MRPL44: variants seen among roughly 807,000 people sequenced by gnomAD.
The protein encoded by MRPL44 is large ribosomal subunit protein mL44.
Under a neutral mutation model 25.9 loss-of-function variants are expected in MRPL44, and 21 were observed. That is an observed-to-expected ratio of 0.81 (90% CI 0.58 to 1.17). The LOEUF is 1.17. Ranked by LOEUF, MRPL44 falls within the 50% of genes most tolerant of loss-of-function variation. The pLI, the probability that MRPL44 is intolerant of heterozygous loss-of-function variation, is 0.00. For missense variants in MRPL44, 410 were observed against 398.9 expected (o/e 1.03, Z -0.24); for synonymous variants, 169 against 151.0 (o/e 1.12, Z -0.87).
At chr2:223,957,377 T>C (rs1689581474), upstream of MRPL44, 1 of 1,514,876 alleles carries the variant, frequency 6.6e-7, no homozygotes. Context: ...CCCAGCCTTC[T>C]CTTCGCGTTC....
chr2:223,962,511 A>G lies in MRPL44; in HGVS notation c.649-1245A>G, dbSNP rs151180223. The stretch of plus-strand genomic sequence containing the variant: ...ATGTTTGTTAATACAAGTTAATTGG[A>G]ATATGTAAATTGCTGTGGAAATTAA... On this transcript the variant is annotated intron_variant, in intron 2 of 3. Coordinates refer to ENST00000258383, the MANE Select transcript of MRPL44 (RefSeq NM_022915.5). Among the ~76,000 whole-genome samples the G allele has an allele frequency of 4.5e-3, 683 of 152,252 alleles. 2 individuals are homozygous for G. Among genetic ancestry groups the G allele is most frequent in the African/African-American group, 0.016 (658 of 41,532 alleles).
At chr2:223,957,737 C>A (rs1689594831) in intron 1 of MRPL44, 86 bp downstream of exon 1, 1 of 1,422,812 alleles carries the variant, frequency 7.0e-7, no homozygotes, top group Admixed American at 2.1e-5. Context: ...GCGGCTGATG[C>A]GCCCCTGGGT....
chr2:223,957,742 C>T (rs994444742), intron 1 of MRPL44, 91 bp downstream of exon 1: 2 of 1,408,002 alleles, frequency 1.4e-6, no homozygotes, highest in African/African-American at 1.4e-5. Flanking sequence ...TGATGCGCCC[C>T]TGGGTTAAGC....
Position 223,966,970 on chromosome 2 carries a change from G to C in MRPL44, c.935G>C (p.Arg312Pro). 6.2e-7 allele frequency: 1 copy of C among 1,614,016 alleles called. No homozygotes were observed. Among genetic ancestry groups the C allele is most frequent in the Non-Finnish European group, 8.5e-7 (1 of 1,179,954 alleles). ...CTTTATGGATTCACAGAAAATAGACGGCCGTGGAACTATTCCAAGCCCAAA... is the reference window on the plus strand; with the variant it reads ...CTTTATGGATTCACAGAAAATAGACCGCCGTGGAACTATTCCAAGCCCAAA... ...RKLYGFTENRRPWNYSKPKET... is the reference protein window; with the variant it reads ...RKLYGFTENRPPWNYSKPKET... Residue 312 changes from arginine to proline, a missense_variant, in exon 4 of 4, where the codon CGG (arginine) becomes CCG (proline). Physicochemically the swap from Arg to Pro is moderately radical, Grantham distance 103. Transcript: ENST00000258383.
At chr2:223,966,797 A>T in intron 3 of MRPL44, 66 bp from the exon 4 acceptor site, 1 of 1,426,526 alleles carries the variant, frequency 7.0e-7, no homozygotes, top group Middle Eastern at 1.8e-4. Flanking sequence ...ATTGCTTTAT[A>T]ACTGCTTTGT....
At chr2:223,957,432 C>A, upstream of MRPL44, 2 of 1,612,152 alleles carry the variant, frequency 1.2e-6, no homozygotes, top group Non-Finnish European at 1.7e-6. Context: ...GACACTGGCC[C>A]GACTACTTTC....
At chr2:223,964,966 T>C (rs1044872730) in intron 3 of MRPL44, among the ~76,000 whole-genome samples, 1 of 152,132 alleles carries the variant, frequency 6.6e-6, no homozygotes, top group African/African-American at 2.4e-5. Context: ...CATGATGGAA[T>C]ATAGTACAGC....
At position 223,957,462 on chromosome 2, in the gene MRPL44, TC is replaced by T. The variant is rs1361417916; in HGVS notation, c.-10del. On this transcript the variant is annotated 5_prime_UTR_variant, in exon 1 of 4. Transcript: ENST00000258383. ...ACTTTCGTTCCGTCTTCCATCGTTT[TC>T]TCTCGTGCAATGGCGTCCGGGCTGG... The T allele has an allele frequency of 2.5e-6, 4 of 1,614,152 alleles. No homozygotes were observed. In the South Asian group the frequency reaches 3.3e-5, roughly 13 times the overall value.
the MRPL44 span, among the ~76,000 whole-genome samples, chr2:223,950,891 T>A: frequency 6.6e-6 from 1 of 152,218 alleles, no homozygotes; most frequent in African/African-American, 2.4e-5. Context: ...CATATAGCAT[T>A]TACAGCCATA....
At chr2:223,953,243 T>C (rs1689516855), upstream of MRPL44, among the ~76,000 whole-genome samples, 1 of 151,500 alleles carries the variant, frequency 6.6e-6, no homozygotes, top group African/African-American at 2.4e-5. Flanking sequence ...CAAGCAATTC[T>C]CCTGTCTCAG....
chr2:223,958,188 C>T (rs976453414), intron 1 of MRPL44, among the ~76,000 whole-genome samples: 4 of 152,140 alleles, frequency 2.6e-5, no homozygotes, highest in Non-Finnish European at 5.9e-5. Context: ...AATTTAAATT[C>T]CTTCATCTTG....
intron 1 of MRPL44, among the ~76,000 whole-genome samples, chr2:223,959,268 T>C (rs1689619004): frequency 6.6e-6 from 1 of 152,216 alleles, no homozygotes; most frequent in African/African-American, 2.4e-5. Context: ...AATGGCTTGG[T>C]CTTTTATATT....
the MRPL44 span, among the ~76,000 whole-genome samples, chr2:223,952,366 G>A: frequency 3.9e-5 from 6 of 152,200 alleles, no homozygotes; most frequent in Admixed American, 2.6e-4. Flanking sequence ...GGTCCCATTC[G>A]GCTCACCTAA....
chr2:223,956,683 C>T (rs147860342), upstream of MRPL44, among the ~76,000 whole-genome samples: 21 of 152,314 alleles, frequency 1.4e-4, 1 homozygote, highest in African/African-American at 4.6e-4. Context: ...AAAGCATTGC[C>T]CCTTTGAGGG....
At chr2:223,956,575 C>T (rs1031828802), upstream of MRPL44, among the ~76,000 whole-genome samples, 3 of 152,092 alleles carry the variant, frequency 2.0e-5, no homozygotes, top group Non-Finnish European at 2.9e-5. Context: ...GAAACTGCAC[C>T]GAAGAGGGGG....
Position 223,959,754 on chromosome 2 carries a change from C to G in MRPL44, c.400C>G (p.Gln134Glu), listed in dbSNP as rs756348180. The G allele has an allele frequency of 4.3e-6, 7 of 1,614,220 alleles. No homozygotes were observed. The Admixed American group carries it at 6.7e-5, about 15-fold the overall frequency. ...ATCCGAACAAGGGACATCTTTTTCACAGACTTGCCTTACACAGTTTCTTGA... is the reference window on the plus strand; with the variant it reads ...ATCCGAACAAGGGACATCTTTTTCAGAGACTTGCCTTACACAGTTTCTTGA... ...ELSEQGTSFS[Q>E]TCLTQFLEDE... The change falls in exon 2 of 4, where the codon CAG becomes GAG. Residue 134 changes from glutamine to glutamate, a missense_variant. Coordinates refer to ENST00000258383, the MANE Select transcript of MRPL44 (RefSeq NM_022915.5).
Position 223,966,889 on chromosome 2 carries a change from C to T in MRPL44, c.854C>T (p.Pro285Leu). Reference protein sequence around the residue: ...YCDKKLIAEGPGETVLVAEEE... With the variant: ...YCDKKLIAEGLGETVLVAEEE... The stretch of plus-strand genomic sequence containing the variant: ...GATAAAAAGTTGATTGCAGAAGGAC[C>T]TGGGGAAACAGTATTGGTTGCAGAA... The change falls in exon 4 of 4, where the codon CCT (proline) becomes CTT (leucine). Residue 285 changes from proline (P) to leucine (L), a missense_variant. Pro to Leu is a moderately conservative substitution (Grantham distance 98). Coordinates refer to ENST00000258383, the MANE Select transcript of MRPL44 (RefSeq NM_022915.5). The T allele has an allele frequency of 2.5e-6, 4 of 1,613,396 alleles. No individual in the cohort carries two copies. Among genetic ancestry groups the T allele is most frequent in the Non-Finnish European group, 8.5e-7 (1 of 1,179,828 alleles).
chr2:223,951,123 AAGG>A, the MRPL44 span, among the ~76,000 whole-genome samples: 4 of 152,164 alleles, frequency 2.6e-5, no homozygotes, highest in Non-Finnish European at 5.9e-5. Context: ...AAGGTGTTCT[AAGG>A]AGGAGGAAGT....
rs201097678 is a variant in MRPL44 at position 223,963,851 on chromosome 2, G to A, written c.744G>A (p.Arg248=). Residue 248 remains arginine (R), a synonymous_variant, in exon 3 of 4, where the codon AGG becomes AGA. Transcript: ENST00000258383. ...TATTGGTAGAAGAACTGAAGAAAAG[G>A]AATGTTTCAGCTCCTGAATCAAGAC... is the stretch of plus-strand genomic sequence containing the variant. The part of the protein sequence containing the change: ...MGLLVEELKK[R]NVSAPESRLT... 102 of 1,613,874 alleles carry A rather than the reference G, an allele frequency of 6.3e-5. No individual in the cohort carries two copies. The East Asian group carries it at 2.2e-3, about 35-fold the overall frequency.
Sources: allele counts gnomAD v4.1 joint callset (sites outside exome capture counted in the v4.1 genomes callset), GRCh38; gene constraint gnomAD v4.1.1; transcripts MANE v1.5; gene names NCBI Gene and HGNC (gene_info 2026-07-23, HGNC 2026-07-21).